The following SMURF1 variants were observed in gnomAD, a reference collection of about 807,000 sequenced individuals.
SMURF1 encodes the protein SMAD specific E3 ubiquitin protein ligase 1, also known as E3 ubiquitin-protein ligase SMURF1.
Under a neutral mutation model 98.0 loss-of-function variants are expected in SMURF1, and 44 were observed. That is an observed-to-expected ratio of 0.45 (90% CI 0.35 to 0.58). SMURF1 has a LOEUF of 0.58. SMURF1 is among the 20% of genes least tolerant of loss of function. The pLI is 0.00. For synonymous variants in SMURF1, 396 were observed against 374.9 expected (o/e 1.06, Z -0.65); for missense variants, 687 against 938.4 (o/e 0.73, Z 3.50).
Position 99,144,004 on chromosome 7 carries a change from G to T in SMURF1, c.-224C>A. The stretch of plus-strand genomic sequence containing the variant: ...TCTGACCCTCGCTGCTTCCAGCCGA[G>T]CCCAGTCCCGAGCCGCCGCCGCCTC... On this transcript the variant is annotated 5_prime_UTR_variant, in exon 1 of 18. Transcript: ENST00000361368. 2.9e-6 allele frequency: 1 copy of T among 346,624 alleles called. No individual in the cohort carries two copies. Among genetic ancestry groups the T allele is most frequent in the South Asian group, 7.6e-5 (1 of 13,088 alleles). 21.5% of individuals were successfully genotyped at this position (346,624 alleles called of 1,614,324 possible).
intron 1 of SMURF1, among the ~76,000 whole-genome samples, chr7:99,121,579 C>T (rs534187235): frequency 6.6e-6 from 1 of 152,328 alleles, no homozygotes; most frequent in East Asian, 1.9e-4. Context: ...CTGGGAAACA[C>T]TCCCAGATCC....
intron 1 of SMURF1, among the ~76,000 whole-genome samples, chr7:99,097,029 T>C (rs1796969809): frequency 6.6e-6 from 1 of 151,224 alleles, no homozygotes; most frequent in Admixed American, 6.6e-5. Flanking sequence ...TTCTAAATAA[T>C]CCATGGGTGA....
intron 1 of SMURF1, among the ~76,000 whole-genome samples, chr7:99,137,294 T>C (rs1798013695): frequency 6.6e-6 from 1 of 152,222 alleles, no homozygotes; most frequent in African/African-American, 2.4e-5. Flanking sequence ...GCAGGTCCTT[T>C]TGTGCTCTAA....
chr7:99,091,949 T>C (rs1356548879), intron 1 of SMURF1, among the ~76,000 whole-genome samples: 1 of 152,208 alleles, frequency 6.6e-6, no homozygotes, highest in African/African-American at 2.4e-5. Context: ...CCAAAAGATA[T>C]GGATTTTGAA....
intron 8 of SMURF1, chr7:99,050,571 C>A (rs1045591106): frequency 5.9e-6 from 1 of 170,472 alleles, no homozygotes; most frequent in Non-Finnish European, 1.3e-5. Context: ...TTAATAATTT[C>A]AACACAATCT....
At chr7:99,121,225 C>CAAAAAAAA (rs550195057) in intron 1 of SMURF1, 25 of 99,762 alleles carry the variant, frequency 2.5e-4, no homozygotes, top group East Asian at 1.1e-3. Context: ...AGAGTCAAAG[C>CAAAAAAAA]AAAAAAAAAA....
intron 1 of SMURF1, among the ~76,000 whole-genome samples, chr7:99,107,012 C>T (rs1300428276): frequency 1.3e-5 from 2 of 152,130 alleles, no homozygotes; most frequent in Non-Finnish European, 2.9e-5. Flanking sequence ...AATAACACAT[C>T]GTAGATTCTG....
At position 99,057,505 on chromosome 7, in the gene SMURF1, T is replaced by C. The variant is rs1366022881; in HGVS notation, c.250A>G (p.Lys84Glu). ...GCTCCCTGTTTCTTGTGAATTTTCT[T>C]ATGGTTCCACACGCTAATGGTTATC... ...DSITISVWNHKKIHKKQGAGF... is the reference protein window; with the variant it reads ...DSITISVWNHEKIHKKQGAGF... The change falls in exon 4 of 18, where the codon AAG (lysine) becomes GAG (glutamate). Residue 84 changes from lysine to glutamate, a missense_variant. Physicochemically the swap from Lys to Glu is moderately conservative, Grantham distance 56. Transcript: ENST00000361368. 1 of 1,588,138 alleles carries C rather than the reference T, an allele frequency of 6.3e-7. No homozygotes were observed. The highest frequency in any genetic ancestry group is 2.0e-5 in the Admixed American group (1 of 50,428).
chr7:99,051,166 GACTC>G (rs1466484340), intron 8 of SMURF1, among the ~76,000 whole-genome samples, 187 bp downstream of exon 8: 2 of 152,158 alleles, frequency 1.3e-5, no homozygotes, highest in African/African-American at 4.8e-5. Context: ...GGTCAACAAT[GACTC>G]ACGTTTCAAA....
chr7:99,050,902 G>T (rs546550539), intron 8 of SMURF1: 6 of 1,308,726 alleles, frequency 4.6e-6, no homozygotes, highest in East Asian at 2.8e-5. Flanking sequence ...GGTGGGGGGG[G>T]GGTCTCTCTA....
chr7:99,138,060 A>G (rs1798034035), intron 1 of SMURF1, among the ~76,000 whole-genome samples: 1 of 152,230 alleles, frequency 6.6e-6, no homozygotes, highest in African/African-American at 2.4e-5. Context: ...TCACTTACAA[A>G]TTCACTTACA....
chr7:99,035,488 GA>G, intron 16 of SMURF1, 26 bp downstream of exon 16: 1 of 1,612,872 alleles, frequency 6.2e-7, no homozygotes, highest in Admixed American at 1.7e-5. Context: ...ACGCGTCATC[GA>G]ATAGCCCTGC....
At chr7:99,043,682 G>A (rs1324791685) in intron 11 of SMURF1, among the ~76,000 whole-genome samples, 1 of 152,216 alleles carries the variant, frequency 6.6e-6, no homozygotes, top group Non-Finnish European at 1.5e-5. Flanking sequence ...TATTTACAGA[G>A]ACAAGTGTTC....
chr7:99,137,228 T>C (rs996674228), intron 1 of SMURF1, among the ~76,000 whole-genome samples: 2 of 152,230 alleles, frequency 1.3e-5, no homozygotes, highest in Non-Finnish European at 2.9e-5. Context: ...GTATTAATAC[T>C]GTGCTACTCT....
Position 99,030,540 on chromosome 7 carries a change from G to T in SMURF1, c.*44C>A. ...AGGTGCACAGAAGCTGGATGCTTTT[G>T]GTCTGGTGGCCATGAGCTAGACTCT... On this transcript the variant is annotated 3_prime_UTR_variant, in exon 18 of 18. Transcript: ENST00000361368. The T allele has an allele frequency of 1.3e-6, 2 of 1,529,244 alleles. No individual in the cohort carries two copies. Among genetic ancestry groups the T allele is most frequent in the Non-Finnish European group, 9.1e-7 (1 of 1,103,918 alleles). 94.7% of individuals were successfully genotyped at this position (1,529,244 alleles called of 1,614,324 possible). A position where few individuals can be genotyped will look rare whatever the true frequency, so the allele number is the denominator to read the frequency against.
chr7:99,125,894 C>T (rs1584207828), intron 1 of SMURF1, among the ~76,000 whole-genome samples: 2 of 152,230 alleles, frequency 1.3e-5, no homozygotes, highest in African/African-American at 4.8e-5. Flanking sequence ...CAAGTGTCCT[C>T]TCTTCCCTCT....
chr7:99,128,699 G>C (rs1797797207), intron 1 of SMURF1, among the ~76,000 whole-genome samples: 1 of 152,216 alleles, frequency 6.6e-6, no homozygotes, highest in African/African-American at 2.4e-5. Flanking sequence ...TGTGCTGGGT[G>C]TATCAAAGGT....
chr7:99,134,926 T>TG (rs1183522057), intron 1 of SMURF1, among the ~76,000 whole-genome samples: 8 of 152,100 alleles, frequency 5.3e-5, no homozygotes, highest in Admixed American at 1.3e-4. Context: ...ACAAGCTTTT[T>TG]GGGGGGTCAG....
At chr7:99,079,553 C>T (rs1312275817) in intron 1 of SMURF1, among the ~76,000 whole-genome samples, 3 of 152,250 alleles carry the variant, frequency 2.0e-5, no homozygotes, top group East Asian at 3.9e-4. Flanking sequence ...TCGTTTCAAA[C>T]ACACATGGAA....
Sources: gnomAD v4.1 joint callset for allele counts (sites outside exome capture counted in the v4.1 genomes callset) on GRCh38, gnomAD v4.1.1 for gene constraint, MANE v1.5 for transcripts, NCBI Gene and HGNC (gene_info 2026-07-23, HGNC 2026-07-21) for gene names.